Variants in MED25 observed in about 807,000 individuals in gnomAD.
The protein encoded by MED25 is mediator of RNA polymerase II transcription subunit 25.
MED25 carries 62 observed loss-of-function variants against 89.4 expected under a neutral mutation model. The ratio of observed to expected loss-of-function variants is 0.69; its 90% CI spans 0.57 to 0.86. The LOEUF is 0.86. MED25 is among the 40% of genes least tolerant of loss of function. MED25 has a pLI of 0.00. For synonymous variants in MED25, 449 were observed against 427.9 expected (o/e 1.05, Z -0.61); for missense variants, 905 against 1,005.2 (o/e 0.90, Z 1.35).
Position 49,829,736 on chromosome 19 carries a change from A to C in MED25, c.526-50A>C. ...TGTGGTAGGTTGGGGGCCGGCCCCA[A>C]CACCCTTATGGAGGGGGCCCGTCAT... On this transcript the variant is annotated intron_variant, in intron 5 of 17. Coordinates refer to ENST00000312865, the MANE Select transcript of MED25 (RefSeq NM_030973.4). The surrounding 1 kb of genome is among the most constrained non-coding windows in gnomAD (Gnocchi z 4.6). 6.5e-7 allele frequency: 1 copy of C among 1,541,442 alleles called. No homozygotes were observed. Among genetic ancestry groups the C allele is most frequent in the Non-Finnish European group, 8.8e-7 (1 of 1,138,446 alleles).
Position 49,823,808 on chromosome 19 carries a change from G to A in MED25, c.305+4512G>A, listed in dbSNP as rs186937564. Among the ~76,000 whole-genome samples the A allele has an allele frequency of 1.1e-3, 168 of 152,272 alleles. 1 individual carries two copies. Among genetic ancestry groups the A allele is most frequent in the Admixed American group, 1.9e-3 (29 of 15,286 alleles). ...GCAGGGTTTCTCATCCTTGGCCCTA[G>A]TGACACTGTGGACACAGTCATTCCT... On this transcript the variant is annotated intron_variant, in intron 3 of 17. Transcript: ENST00000312865.
At chr19:49,826,157 C>T (rs974710658) in intron 3 of MED25, among the ~76,000 whole-genome samples, 1 of 151,916 alleles carries the variant, frequency 6.6e-6, no homozygotes, top group African/African-American at 2.4e-5. Flanking sequence ...CGGATAACAC[C>T]GTGAAACCCC....
chr19:49,832,900 G>A (rs2074069119), intron 13 of MED25: 1 of 235,718 alleles, frequency 4.2e-6, no homozygotes, highest in Non-Finnish European at 8.5e-6. Flanking sequence ...ATCGCTCCAG[G>A]GTCTTCCTCC....
At chr19:49,839,867 A>C (rs906296398), downstream of MED25, 7 of 152,364 alleles carry the variant, frequency 4.6e-5, no homozygotes, top group Admixed American at 2.0e-4. Flanking sequence ...GAGAAGGAAC[A>C]GACATTGTCC....
At chr19:49,832,556 C>T in intron 13 of MED25, 141 bp downstream of exon 13, 1 of 682,864 alleles carries the variant, frequency 1.5e-6, no homozygotes. Flanking sequence ...AGGTTCCTCG[C>T]CTTTCTTCTA....
rs1487951161 is a variant in MED25, at chr19:49,836,553, G to A, written c.2146+147G>A. 9.6e-7 allele frequency: 1 copy of A among 1,046,650 alleles called. No homozygotes were observed. Among genetic ancestry groups the A allele is most frequent in the Non-Finnish European group, 1.5e-6 (1 of 688,388 alleles). The allele number at this position is 1,046,650 out of a possible 1,614,324, so 64.8% of individuals were successfully genotyped here. A position where few individuals can be genotyped will look rare whatever the true frequency, so the allele number is the denominator to read the frequency against. On this transcript the variant is annotated intron_variant, in intron 17 of 17. Transcript: ENST00000312865. The surrounding 1 kb of genome is among the most constrained non-coding windows in gnomAD (Gnocchi z 5.1). ...CCATGGCCTTTGCGGAGCTCTGAGG[G>A]CTCCGGGAAAGTACAGCCCATGGGT...
In MED25 at chr19:49,827,842, T is replaced by C. The variant is rs374978436; in HGVS notation, c.306-607T>C. On this transcript the variant is annotated intron_variant, in intron 3 of 17. Transcript: ENST00000312865. ...GGAGGGGACAGCAGGAGGCTGGGCA[T>C]GGAGTCAGTCACTCCAGGGTTGGAG... 7.9e-5 allele frequency among the ~76,000 whole-genome samples: 12 copies of C among 152,218 alleles called. No individual in the cohort carries two copies. In the South Asian group the frequency reaches 2.5e-3, roughly 32 times the overall value.
intron 3 of MED25, among the ~76,000 whole-genome samples, chr19:49,827,883 A>G (rs1351230492): frequency 6.6e-6 from 1 of 152,102 alleles, no homozygotes; most frequent in Non-Finnish European, 1.5e-5. Flanking sequence ...ACAGGATCCT[A>G]GGCTTGGGGT....
At chr19:49,819,803 T>G (rs1449100188) in intron 3 of MED25, 1 of 202,494 alleles carries the variant, frequency 4.9e-6, no homozygotes, top group African/African-American at 2.4e-5. Context: ...CCAGGATAGA[T>G]CCCTCTGTGG....
chr19:49,819,365 G>GTGGTTGGGGTCCCTGTAAGGGGCC, intron 3 of MED25, 69 bp downstream of exon 3: 1 of 1,585,448 alleles, frequency 6.3e-7, no homozygotes, highest in South Asian at 1.1e-5. Context: ...GATGGCTTGG[G>GTGGTTGGGGTCCCTGTAAGGGGCC]GTGGTTGGTG....
At chr19:49,819,106 A>G in intron 2 of MED25, 66 bp from the exon 3 acceptor site, 1 of 1,595,308 alleles carries the variant, frequency 6.3e-7, no homozygotes, top group Non-Finnish European at 8.6e-7. Flanking sequence ...GGGAGCCCTG[A>G]TTCCTTCTCT....
At chr19:49,821,250 G>T (rs991795162) in intron 3 of MED25, among the ~76,000 whole-genome samples, 2 of 152,170 alleles carry the variant, frequency 1.3e-5, no homozygotes, top group African/African-American at 4.8e-5. Flanking sequence ...CTCAGATTGA[G>T]GGACCCAATA....
At chr19:49,822,744 T>A (rs539736405) in intron 3 of MED25, among the ~76,000 whole-genome samples, 2 of 149,978 alleles carry the variant, frequency 1.3e-5, no homozygotes, top group South Asian at 4.2e-4. Flanking sequence ...GCCTCCCGAG[T>A]TCACGCCATT....
At position 49,835,585 on chromosome 19, in the gene MED25, GC is replaced by G; in HGVS notation, c.1728del (p.Arg577GlyfsTer20). ...GCTGGGGCCCATTCTGGAGGACCAA[GC>G]CAGGCCCTCACAGAATCTGGTGAGG... ...PGLGPILEDQ[A>X]RPSQNLLQLR... On this transcript the variant is annotated frameshift_variant, in exon 15 of 18. Coordinates refer to ENST00000312865, the MANE Select transcript of MED25 (RefSeq NM_030973.4). LOFTEE classifies it high-confidence loss of function. The surrounding 1 kb of genome is among the most constrained non-coding windows in gnomAD (Gnocchi z 6.2). The G allele has an allele frequency of 6.4e-7, 1 of 1,565,656 alleles. No individual in the cohort carries two copies. Among genetic ancestry groups the G allele is most frequent in the African/African-American group, 1.4e-5 (1 of 73,886 alleles).
chr19:49,830,466 C>T lies in MED25; in HGVS notation c.820-45C>T. 1.9e-6 allele frequency: 3 copies of T among 1,577,060 alleles called. No homozygotes were observed. The South Asian group carries it at 3.3e-5, about 18-fold the overall frequency. ...CTCGTGGGATACCAGGACTGGGGGG[C>T]CATGGTCCTCACCAGTCCCTTCCCT... On this transcript the variant is annotated intron_variant, in intron 7 of 17. Coordinates refer to ENST00000312865, the MANE Select transcript of MED25 (RefSeq NM_030973.4). The surrounding 1 kb of genome is among the most constrained non-coding windows in gnomAD (Gnocchi z 4.6).
In MED25 at chr19:49,829,817, G is replaced by A. The variant is rs1376475717; in HGVS notation, c.557G>A (p.Arg186Gln). 8.1e-6 allele frequency: 13 copies of A among 1,604,692 alleles called. No homozygotes were observed. The highest frequency in any genetic ancestry group is 5.4e-5 in the African/African-American group (4 of 74,712). ...ATCCACTTCTCCATTGTGTCTCCCC[G>A]GAAGCTGCCTGCGCTTCGGCTTCTG... The part of the protein sequence containing the change: ...RGIHFSIVSP[R>Q]KLPALRLLFE... The change falls in exon 6 of 18, where the codon CGG becomes CAG. Residue 186 changes from arginine (R) to glutamine (Q), a missense_variant. Transcript: ENST00000312865. The surrounding 1 kb of genome is among the most constrained non-coding windows in gnomAD (Gnocchi z 4.6).
chr19:49,828,160 C>T lies in MED25; in HGVS notation c.306-289C>T, dbSNP rs147422967. On this transcript the variant is annotated intron_variant, in intron 3 of 17. Transcript: ENST00000312865. Reference sequence around the variant, plus strand: ...AGGAGAATGGCATGAACCCAGGAAGCGGAGCTTGCAGTGAACTGAGATCAT... The same window carrying T: ...AGGAGAATGGCATGAACCCAGGAAGTGGAGCTTGCAGTGAACTGAGATCAT... Among the ~76,000 whole-genome samples, 385 of 151,390 alleles carry T rather than the reference C, an allele frequency of 2.5e-3. 3 individuals are homozygous for T. Among genetic ancestry groups the T allele is most frequent in the African/African-American group, 8.8e-3 (363 of 41,206 alleles).
chr19:49,822,687 G>T (rs1291936482), intron 3 of MED25, among the ~76,000 whole-genome samples: 3 of 108,554 alleles, frequency 2.8e-5, no homozygotes, highest in Admixed American at 2.9e-4. Context: ...TCGCTCTGTT[G>T]TCCAGGCTGA....
intron 3 of MED25, among the ~76,000 whole-genome samples, chr19:49,825,768 T>G (rs1451788349): frequency 6.7e-6 from 1 of 150,368 alleles, no homozygotes; most frequent in Non-Finnish European, 1.5e-5. Context: ...AAGTCGAAGG[T>G]AGTGGTGAGC....
Sources: allele counts gnomAD v4.1 joint callset (sites outside exome capture counted in the v4.1 genomes callset), GRCh38; gene constraint gnomAD v4.1.1; non-coding constraint Gnocchi (gnomAD v3.1); transcripts MANE v1.5; gene names NCBI Gene and HGNC (gene_info 2026-07-23, HGNC 2026-07-21).